PIAS3: variants seen among roughly 807,000 people sequenced by gnomAD.
The protein encoded by PIAS3 is protein inhibitor of activated STAT 3, also known as E3 SUMO-protein ligase PIAS3.
PIAS3 carries 34 observed loss-of-function variants against 67.6 expected under a neutral mutation model. The ratio of observed to expected loss-of-function variants is 0.50; its 90% CI spans 0.38 to 0.67. PIAS3 has a LOEUF of 0.67. PIAS3 is among the 30% of genes least tolerant of loss of function. The pLI is 0.00. For missense variants in PIAS3, 693 were observed against 791.6 expected (o/e 0.88, Z 1.49); for synonymous variants, 341 against 313.8 (o/e 1.09, Z -0.92).
chr1:145,854,182 T>G, intron 7 of PIAS3: 1 of 594,634 alleles, frequency 1.7e-6, no homozygotes, highest in Admixed American at 3.0e-5. Flanking sequence ...CTAAGATTCT[T>G]TCCAGTCCGG....
chr1:145,852,467 T>C (rs765486684), intron 9 of PIAS3, among the ~76,000 whole-genome samples: 23 of 152,168 alleles, frequency 1.5e-4, no homozygotes, highest in Non-Finnish European at 1.2e-4. Context: ...CACTTAACAA[T>C]ATAACCTTGA....
In PIAS3 at chr1:145,851,340, G is replaced by T. The variant is rs1652956338; in HGVS notation, c.1146-187C>A. On this transcript the variant is annotated intron_variant, in intron 9 of 13. Coordinates refer to ENST00000393045, the MANE Select transcript of PIAS3 (RefSeq NM_006099.3). ...AAGGTATGTAAAAGAGCTTTGCAAA[G>T]TAAGTAATAGGTTTTAAAATAAATA... The T allele has an allele frequency of 4.6e-6, 3 of 646,072 alleles. No individual in the cohort carries two copies. The African/African-American group carries it at 5.5e-5, about 12-fold the overall frequency. The allele number at this position is 646,072 out of a possible 1,614,324, so 40.0% of individuals were successfully genotyped here.
Position 145,859,018 on chromosome 1 carries a change from G to T in PIAS3, c.-28C>A, listed in dbSNP as rs1046835423. On this transcript the variant is annotated 5_prime_UTR_variant, in exon 1 of 14. Coordinates refer to ENST00000393045, the MANE Select transcript of PIAS3 (RefSeq NM_006099.3). ...TGAGACATCGCAGGCGCCCCAGCCG[G>T]AGCCGGAGCTCAGGCCCAGGGACCG... The T allele has an allele frequency of 1.3e-6, 2 of 1,542,530 alleles. No homozygotes were observed. Among genetic ancestry groups the T allele is most frequent in the Non-Finnish European group, 1.7e-6 (2 of 1,145,218 alleles).
At position 145,850,437 on chromosome 1, in the gene PIAS3, A is replaced by G. The variant is rs782313285; in HGVS notation, c.1582+16T>C. 6.8e-6 allele frequency: 11 copies of G among 1,614,038 alleles called. No individual in the cohort carries two copies. In the Admixed American group the frequency reaches 1.3e-4, roughly 20 times the overall value. ...GGTGTGGCAGTGCAGGGTCCATCTT[A>G]TGACCCATGTCATACCTTGGATGTC... On this transcript the variant is annotated intron_variant, in intron 12 of 13. Coordinates refer to ENST00000393045, the MANE Select transcript of PIAS3 (RefSeq NM_006099.3).
At chr1:145,851,993 G>A (rs587658522) in intron 9 of PIAS3, among the ~76,000 whole-genome samples, 5 of 151,568 alleles carry the variant, frequency 3.3e-5, no homozygotes, top group South Asian at 2.1e-4. Flanking sequence ...GAGCACTTAC[G>A]TGTAGTATAA....
intron 11 of PIAS3, 55 bp downstream of exon 11, chr1:145,850,716 A>G: frequency 2.5e-6 from 4 of 1,605,188 alleles, no homozygotes. Flanking sequence ...TCAGAAAGCA[A>G]TCCTGACTTC....
chr1:145,851,197 G>C, intron 9 of PIAS3, 44 bp from the exon 10 acceptor site: 4 of 1,603,014 alleles, frequency 2.5e-6, no homozygotes, highest in Non-Finnish European at 3.4e-6. Flanking sequence ...TGGGAGATGA[G>C]CAGAACAGTA....
At position 145,853,629 on chromosome 1, in the gene PIAS3, G is replaced by A. The variant is rs1653049476; in HGVS notation, c.1020C>T (p.Ala340=). Residue 340 remains alanine (A), a synonymous_variant, in exon 9 of 14, where the codon GCC becomes GCT. Coordinates refer to ENST00000393045, the MANE Select transcript of PIAS3 (RefSeq NM_006099.3). Reference sequence around the variant, plus strand: ...AGCTCTGCAGGTGGGCGCAGGTGAGGGCACGACAAGGGACAGTCAGGCGCA... The same window carrying A: ...AGCTCTGCAGGTGGGCGCAGGTGAGAGCACGACAAGGGACAGTCAGGCGCA... The part of the protein sequence containing the change: ...GKMRLTVPCR[A]LTCAHLQSFD... 1.2e-6 allele frequency: 2 copies of A among 1,613,968 alleles called. No homozygotes were observed. The highest frequency in any genetic ancestry group is 1.1e-5 in the South Asian group (1 of 91,074).
At position 145,856,049 on chromosome 1, in the gene PIAS3, G is replaced by A. The variant is rs782618712; in HGVS notation, c.578+19C>T. On this transcript the variant is annotated intron_variant, in intron 4 of 13. Transcript: ENST00000393045. ...TACCCCCAGTGGGTACCCAGGATAGGCAGGGAGGATGAACTCACCTTAGCT... is the reference window on the plus strand; with the variant it reads ...TACCCCCAGTGGGTACCCAGGATAGACAGGGAGGATGAACTCACCTTAGCT... The A allele has an allele frequency of 6.8e-6, 11 of 1,607,878 alleles. No homozygotes were observed. The South Asian group carries it at 1.2e-4, about 18-fold the overall frequency.
At chr1:145,850,369 A>C (rs1652907086) in intron 12 of PIAS3, 84 bp downstream of exon 12, 1 of 1,611,354 alleles carries the variant, frequency 6.2e-7, no homozygotes, top group Non-Finnish European at 8.5e-7. Flanking sequence ...GAGAAGCAGG[A>C]GGCTTTGAGA....
chr1:145,853,066 T>C (rs1439935876), intron 9 of PIAS3, among the ~76,000 whole-genome samples: 1 of 151,952 alleles, frequency 6.6e-6, no homozygotes, highest in Non-Finnish European at 1.5e-5. Context: ...TGAGGGGAAG[T>C]AAGCCATATG....
At chr1:145,849,787 G>A in intron 13 of PIAS3, 75 bp from the exon 14 acceptor site, 1 of 1,508,958 alleles carries the variant, frequency 6.6e-7, no homozygotes, top group South Asian at 1.3e-5. Flanking sequence ...TCTCAGAAAT[G>A]CCGTATGAGA....
At chr1:145,857,202 C>T (rs994661675) in intron 1 of PIAS3, 196 bp from the exon 2 acceptor site, 2 of 600,496 alleles carry the variant, frequency 3.3e-6, no homozygotes, top group African/African-American at 3.7e-5. Context: ...TAGCAACCAT[C>T]AGGTCAGCAT....
At chr1:145,851,216 T>G in intron 9 of PIAS3, 63 bp from the exon 10 acceptor site, 2 of 1,531,204 alleles carry the variant, frequency 1.3e-6, no homozygotes, top group Non-Finnish European at 1.8e-6. Context: ...TAGCCAGAGT[T>G]CTGTAACTCA....
chr1:145,850,132 G>A (rs1201275290), intron 13 of PIAS3, 100 bp downstream of exon 13: 13 of 1,587,882 alleles, frequency 8.2e-6, no homozygotes, highest in Non-Finnish European at 1.1e-5. Context: ...CGGGAAAGCA[G>A]ATTTACATCC....
In PIAS3 at chr1:145,856,719, G is replaced by T; in HGVS notation, c.312C>A (p.Gly104=). 6.2e-7 allele frequency: 1 copy of T among 1,613,576 alleles called. No homozygotes were observed. Among genetic ancestry groups the T allele is most frequent in the Admixed American group, 1.7e-5 (1 of 59,992 alleles). ...CCTCACGCTTGGGGCCCAGCAGGGT[G>T]CCAGGGGCCAACAGCGTTGGGGGAA... The part of the protein sequence containing the change: ...APIPPTLLAP[G]TLLGPKREVD... The change falls in exon 2 of 14, where the codon GGC becomes GGA. Residue 104 remains glycine (G), a synonymous_variant. Coordinates refer to ENST00000393045, the MANE Select transcript of PIAS3 (RefSeq NM_006099.3).
chr1:145,853,840 TGTA>T lies in PIAS3; in HGVS notation c.954_956del (p.Thr319del). 6.2e-7 allele frequency: 1 copy of T among 1,614,004 alleles called. No individual in the cohort carries two copies. Among genetic ancestry groups the T allele is most frequent in the Non-Finnish European group, 8.5e-7 (1 of 1,179,992 alleles). On this transcript the variant is annotated inframe_deletion, in exon 8 of 14. Coordinates refer to ENST00000393045, the MANE Select transcript of PIAS3 (RefSeq NM_006099.3). ...GGCACATGAGTGACACCCGGAGACT[TGTA>T]GTGGCCACCTCACTGTCAGGGTCAG...
intron 12 of PIAS3, 32 bp downstream of exon 12, chr1:145,850,421 G>C (rs1553733905): frequency 6.2e-7 from 1 of 1,613,332 alleles, no homozygotes; most frequent in Middle Eastern, 1.7e-4. Flanking sequence ...GGGTGTGGCA[G>C]TGCAGGGTCC....
rs1553734218 is a variant in PIAS3 at position 145,850,962 on chromosome 1, G to A, written c.1280-23C>T. 7.4e-6 allele frequency: 12 copies of A among 1,613,946 alleles called. No homozygotes were observed. The African/African-American group carries it at 8.0e-5, about 11-fold the overall frequency. ...GGCCTGTGGGTATTAAGAAGACTAC[G>A]TCTCAGAGAAGAGGCCATCCAAGAT... is the stretch of plus-strand genomic sequence containing the variant. On this transcript the variant is annotated intron_variant, in intron 10 of 13. Transcript: ENST00000393045.
Sources: allele counts gnomAD v4.1 joint callset (sites outside exome capture counted in the v4.1 genomes callset), GRCh38; gene constraint gnomAD v4.1.1; transcripts MANE v1.5; gene names NCBI Gene and HGNC (gene_info 2026-07-23, HGNC 2026-07-21).